Variants in COL20A1 observed in about 807,000 individuals in gnomAD.
COL20A1 encodes collagen type XX alpha 1 chain, also known as collagen alpha-1(XX) chain.
In COL20A1, 164 loss-of-function variants were observed where a neutral mutation model predicts 152.9. That is an observed-to-expected ratio of 1.07 (90% CI 0.94 to 1.22). The LOEUF is 1.22. COL20A1 is among the 50% of genes most tolerant of loss of function. COL20A1 has a pLI of 0.00. For missense variants in COL20A1, 1,873 were observed against 1,744.8 expected (o/e 1.07, Z -1.31); for synonymous variants, 864 against 756.0 (o/e 1.14, Z -2.34).
chr20:63,312,761 C>A, intron 15 of COL20A1, 31 bp from the exon 16 acceptor site: 1 of 1,515,678 alleles, frequency 6.6e-7, no homozygotes. Flanking sequence ...TCAGGGGCTA[C>A]ACCCCCAGCC....
chr20:63,319,253 G>GGCCC lies in COL20A1; in HGVS notation c.2806+54_2806+57dup, dbSNP rs1190511933. 1 of 1,570,978 alleles carries GGCCC rather than the reference G, an allele frequency of 6.4e-7. No homozygotes were observed. The highest frequency in any genetic ancestry group is 8.7e-7 in the Non-Finnish European group (1 of 1,153,382). ...CAGTCAGGAGGAGTAGGGGCAGGGA[G>GGCCC]GCCCCAGAGCCCTGGGAGGCCTTCA... On this transcript the variant is annotated intron_variant, in intron 22 of 35. Coordinates refer to ENST00000358894, the MANE Select transcript of COL20A1 (RefSeq NM_020882.4). This position sits in a 1 kb window ranked among gnomAD's most constrained non-coding sequence, Gnocchi z 4.4.
intron 1 of COL20A1, among the ~76,000 whole-genome samples, chr20:63,293,500 C>T (rs1057304021): frequency 3.3e-5 from 5 of 152,182 alleles, no homozygotes; most frequent in African/African-American, 1.2e-4. Flanking sequence ...GGGCTCCCTT[C>T]TGGGGGTCTC....
chr20:63,308,117 T>C (rs41302958), intron 7 of COL20A1, 27 bp downstream of exon 7: 16,353 of 1,609,406 alleles, frequency 0.01, 106 homozygotes, highest in Non-Finnish European at 0.013. Flanking sequence ...CCCCTCCCTC[T>C]GTCCTGAGGG....
At position 63,319,160 on chromosome 20, in the gene COL20A1, A is replaced by G. The variant is rs1568782660; in HGVS notation, c.2766A>G (p.Thr922=). ...PREAFALWQM[T]AEDFQPLLGV... is the part of the protein sequence containing the mutation. ...AGGCCTTCGCGCTGTGGCAGATGAC[A>G]GCCGAGGACTTCCAGCCCCTCCTTG... The change falls in exon 22 of 36, where the codon ACA becomes ACG. Residue 922 remains threonine, a synonymous_variant. Coordinates refer to ENST00000358894, the MANE Select transcript of COL20A1 (RefSeq NM_020882.4). The surrounding 1 kb of genome is among the most constrained non-coding windows in gnomAD (Gnocchi z 4.4). 4 of 1,612,388 alleles carry G rather than the reference A, an allele frequency of 2.5e-6. No homozygotes were observed. In the Middle Eastern group the frequency reaches 5.0e-4, roughly 200 times the overall value.
At position 63,320,336 on chromosome 20, in the gene COL20A1, G is replaced by C. The variant is rs375718406; in HGVS notation, c.3121G>C (p.Asp1041His). 1 of 1,611,156 alleles carries C rather than the reference G, an allele frequency of 6.2e-7. No individual in the cohort carries two copies. The highest frequency in any genetic ancestry group is 1.3e-5 in the African/African-American group (1 of 74,944). ...LQIVCSDTWA[D>H]EDRCCELPAS... ...GATCGTGTGCAGTGACACCTGGGCC[G>C]ATGAGGACCGGTGCTGTGAGCTCCC... Residue 1041 changes from aspartate to histidine, a missense_variant, in exon 25 of 36, where the codon GAT becomes CAT. Coordinates refer to ENST00000358894, the MANE Select transcript of COL20A1 (RefSeq NM_020882.4).
Position 63,308,109 on chromosome 20 carries a change from C to G in COL20A1, c.775+19C>G, listed in dbSNP as rs3746375. 6.2e-7 allele frequency: 1 copy of G among 1,611,484 alleles called. No individual in the cohort carries two copies. The highest frequency in any genetic ancestry group is 1.1e-5 in the South Asian group (1 of 91,014). On this transcript the variant is annotated intron_variant, in intron 7 of 35. Transcript: ENST00000358894. The stretch of plus-strand genomic sequence containing the variant: ...TTCACAGGTACGGCCCAGGCCTGCC[C>G]CTCCCTCTGTCCTGAGGGCGGACCT...
chr20:63,295,033 C>A (rs1435717126), intron 1 of COL20A1, 65 bp from the exon 2 acceptor site: 20 of 1,022,828 alleles, frequency 2.0e-5, no homozygotes, highest in Non-Finnish European at 2.9e-5. Flanking sequence ...GAAGCTCTGG[C>A]GTTGTGGTCA....
Position 63,320,277 on chromosome 20 carries a change from C to T in COL20A1, c.3076-14C>T. On this transcript the variant is annotated splice_polypyrimidine_tract_variant and intron_variant, in intron 24 of 35. Coordinates refer to ENST00000358894, the MANE Select transcript of COL20A1 (RefSeq NM_020882.4). ...TCTGAGCCCCGGGGCTGAGCCGGCT[C>T]CCCTGCGTTGCAGTTTCAGCTCCAG... is the stretch of plus-strand genomic sequence containing the variant. 6.2e-7 allele frequency: 1 copy of T among 1,608,702 alleles called. No individual in the cohort carries two copies.
Position 63,325,713 on chromosome 20 carries a change from G to A in COL20A1, c.3394G>A (p.Gly1132Arg), listed in dbSNP as rs1277189857. The A allele has an allele frequency of 6.2e-7, 1 of 1,611,840 alleles. No homozygotes were observed. Among genetic ancestry groups the A allele is most frequent in the Non-Finnish European group, 8.5e-7 (1 of 1,179,504 alleles). ...QGIPGRVGLQ[G>R]PKGMRGLEGT... is the part of the protein sequence containing the mutation. ...CATCCCCGGGAGAGTTGGCCTCCAG[G>A]GACCAAAGGTGCCGGCTCTGGGCTT... The change falls in exon 29 of 36, where the codon GGA (glycine) becomes AGA (arginine). Residue 1132 changes from glycine to arginine, a missense_variant. By Grantham distance (125) the Gly-to-Arg change is moderately radical. Transcript: ENST00000358894.
At chr20:63,315,177 A>G (rs1171414651) in intron 19 of COL20A1, among the ~76,000 whole-genome samples, 1 of 152,240 alleles carries the variant, frequency 6.6e-6, no homozygotes, top group Non-Finnish European at 1.5e-5. Flanking sequence ...CAGCTGCTTC[A>G]CTCAGTGAGA....
At position 63,298,061 on chromosome 20, in the gene COL20A1, C is replaced by T. The variant is rs765326152; in HGVS notation, c.193+41C>T. 42 of 1,417,954 alleles carry T rather than the reference C, an allele frequency of 3.0e-5. No homozygotes were observed. The East Asian group carries it at 4.8e-4, about 16-fold the overall frequency. The allele number at this position is 1,417,954 out of a possible 1,614,324, so 87.8% of individuals were successfully genotyped here. On this transcript the variant is annotated intron_variant, in intron 3 of 35. Coordinates refer to ENST00000358894, the MANE Select transcript of COL20A1 (RefSeq NM_020882.4). ...TCCCAGGCCCCCTTCCCCATTAGCACGTGCCGAGGACAGTCAGTGTGGTGG... is the reference window on the plus strand; with the variant it reads ...TCCCAGGCCCCCTTCCCCATTAGCATGTGCCGAGGACAGTCAGTGTGGTGG...
Position 63,310,433 on chromosome 20 carries a change from G to A in COL20A1, c.1316G>A (p.Arg439His), listed in dbSNP as rs201043063. ...ASTELHNLAS[R>H]TEYLVSVFPI... ...ACGGAGCTGCACAACCTGGCCTCCC[G>A]CACAGAGTACCTGGTCTCCGTGTTC... The change falls in exon 11 of 36, where the codon CGC (arginine) becomes CAC (histidine). Residue 439 changes from arginine to histidine, a missense_variant. Transcript: ENST00000358894. 91 of 1,609,914 alleles carry A rather than the reference G, an allele frequency of 5.7e-5. No homozygotes were observed. The African/African-American group carries it at 1.0e-3, about 18-fold the overall frequency.
At position 63,308,635 on chromosome 20, in the gene COL20A1, G is replaced by A; in HGVS notation, c.869G>A (p.Gly290Asp). The change falls in exon 8 of 36, where the codon GGC (glycine) becomes GAC (aspartate). Residue 290 changes from glycine to aspartate, a missense_variant. Gly to Asp is a moderately conservative substitution (Grantham distance 94). Coordinates refer to ENST00000358894, the MANE Select transcript of COL20A1 (RefSeq NM_020882.4). Reference sequence around the variant, plus strand: ...AAGGTGGTGATTCTGGTGACGGACGGCAAGTCCCAGGACGATGTGCACACT... The same window carrying A: ...AAGGTGGTGATTCTGGTGACGGACGACAAGTCCCAGGACGATGTGCACACT... ...AAKVVILVTD[G>D]KSQDDVHTAA... 6.2e-7 allele frequency: 1 copy of A among 1,606,512 alleles called. No individual in the cohort carries two copies. Among genetic ancestry groups the A allele is most frequent in the South Asian group, 1.1e-5 (1 of 89,810 alleles).
In COL20A1 at chr20:63,325,858, C is replaced by T. The variant is rs79250163; in HGVS notation, c.3402+137C>T. ...GGCTCCTGCCTCACCTGCTGCACCA[C>T]CCCCTTCAGCCTGTGGCCTGGCCAG... On this transcript the variant is annotated intron_variant, in intron 29 of 35. Coordinates refer to ENST00000358894, the MANE Select transcript of COL20A1 (RefSeq NM_020882.4). 1,269 of 834,764 alleles carry T rather than the reference C, an allele frequency of 1.5e-3. 15 individuals carry two copies. In the African/African-American group the frequency reaches 0.018, roughly 12 times the overall value. The allele number at this position is 834,764 out of a possible 1,614,324, so 51.7% of individuals were successfully genotyped here. A position where few individuals can be genotyped will look rare whatever the true frequency, so the allele number is the denominator to read the frequency against.
rs775118316 is a variant in COL20A1 at position 63,319,452 on chromosome 20, G to C, written c.2807-35G>C. ...CAAGGTATAGGCCCGGCTGGTTGCAGCCCGTTCTCACCTGCTCCACCCCTT... is the reference window on the plus strand; with the variant it reads ...CAAGGTATAGGCCCGGCTGGTTGCACCCCGTTCTCACCTGCTCCACCCCTT... On this transcript the variant is annotated intron_variant, in intron 22 of 35. Coordinates refer to ENST00000358894, the MANE Select transcript of COL20A1 (RefSeq NM_020882.4). This position sits in a 1 kb window ranked among gnomAD's most constrained non-coding sequence, Gnocchi z 4.4. 6.7e-7 allele frequency: 1 copy of C among 1,487,760 alleles called. No homozygotes were observed. The highest frequency in any genetic ancestry group is 9.2e-7 in the Non-Finnish European group (1 of 1,091,040). The allele number at this position is 1,487,760 out of a possible 1,614,324, so 92.2% of individuals were successfully genotyped here.
Position 63,319,341 on chromosome 20 carries a change from G to A in COL20A1, c.2806+141G>A, listed in dbSNP as rs2068126764. On this transcript the variant is annotated intron_variant, in intron 22 of 35. Transcript: ENST00000358894. The surrounding 1 kb of genome is among the most constrained non-coding windows in gnomAD (Gnocchi z 4.4). ...TCTGGGTGGGAGGCAGGTGTCCCGG[G>A]CAGGGGGCTGTGGGCCACATTGAGG... is the stretch of plus-strand genomic sequence containing the variant. 9.8e-6 allele frequency: 11 copies of A among 1,121,690 alleles called. No homozygotes were observed. Among genetic ancestry groups the A allele is most frequent in the Non-Finnish European group, 1.4e-5 (11 of 793,382 alleles). 69.5% of individuals were successfully genotyped at this position (1,121,690 alleles called of 1,614,324 possible). A position where few individuals can be genotyped will look rare whatever the true frequency, so the allele number is the denominator to read the frequency against.
rs149783684 is a variant in COL20A1 at position 63,320,996 on chromosome 20, G to A, written c.3154-17G>A. On this transcript the variant is annotated splice_polypyrimidine_tract_variant and intron_variant, in intron 25 of 35. Transcript: ENST00000358894. ...GGGAGAGGGTCTCTCTAATGGGCAG[G>A]GTCTCTCTTCTTCCAGAGGGATGGA... The A allele has an allele frequency of 4.7e-4, 729 of 1,546,714 alleles. 2 individuals carry two copies. The African/African-American group carries it at 5.1e-3, about 11-fold the overall frequency.
rs949500168 is a variant in COL20A1 at position 63,306,371 on chromosome 20, C to G, written c.496+332C>G. 6.6e-6 allele frequency among the ~76,000 whole-genome samples: 1 copy of G among 152,100 alleles called. No individual in the cohort carries two copies. The highest frequency in any genetic ancestry group is 2.4e-5 in the African/African-American group (1 of 41,412). On this transcript the variant is annotated intron_variant, in intron 5 of 35. Transcript: ENST00000358894. The surrounding 1 kb of genome is among the most constrained non-coding windows in gnomAD (Gnocchi z 6.9). ...ACCACGAGGCCGGGAAGTTCTTCCTCGTGTCTGACCACACGGTCTCTGGCT... is the reference window on the plus strand; with the variant it reads ...ACCACGAGGCCGGGAAGTTCTTCCTGGTGTCTGACCACACGGTCTCTGGCT...
At chr20:63,315,052 G>T (rs1160534574) in intron 19 of COL20A1, among the ~76,000 whole-genome samples, 1 of 152,054 alleles carries the variant, frequency 6.6e-6, no homozygotes, top group Non-Finnish European at 1.5e-5. Flanking sequence ...CACACACCAG[G>T]CATCTCCCTG....
Sources: gnomAD v4.1 joint callset for allele counts (sites outside exome capture counted in the v4.1 genomes callset) on GRCh38, gnomAD v4.1.1 for gene constraint, Gnocchi (gnomAD v3.1) non-coding constraint, MANE v1.5 for transcripts, NCBI Gene and HGNC (gene_info 2026-07-23, HGNC 2026-07-21) for gene names.